ATP10A: variants seen among roughly 807,000 people sequenced by gnomAD.
ATP10A encodes the protein ATPase phospholipid transporting 10A (putative), also known as phospholipid-transporting ATPase VA.
A neutral mutation model predicts 147.8 loss-of-function variants in ATP10A; 111 were observed. The observed-to-expected ratio is 0.75, with a 90% CI of 0.64 to 0.88. The LOEUF is 0.88. ATP10A is among the 40% of genes least tolerant of loss of function. The pLI is 0.00. For missense variants in ATP10A, 1,927 were observed against 1,959.0 expected (o/e 0.98, Z 0.31); for synonymous variants, 875 against 841.6 (o/e 1.04, Z -0.69).
chr15:25,692,354 T>G (rs1325410932), intron 14 of ATP10A, among the ~76,000 whole-genome samples: 1 of 152,176 alleles, frequency 6.6e-6, no homozygotes, highest in Admixed American at 6.5e-5. Context: ...AGAAAATGTT[T>G]AGGAACACAG....
At chr15:25,708,481 A>G (rs1901189401) in intron 10 of ATP10A, 181 bp from the exon 11 acceptor site, 1 of 223,602 alleles carries the variant, frequency 4.5e-6, no homozygotes, top group Non-Finnish European at 8.1e-6. Flanking sequence ...AATATGTTTG[A>G]CTGTTTTATT....
Position 25,708,031 on chromosome 15 carries a change from G to T in ATP10A, c.2520C>A (p.Ser840Arg), listed in dbSNP as rs778530761. 2.5e-6 allele frequency: 4 copies of T among 1,614,134 alleles called. No homozygotes were observed. The highest frequency in any genetic ancestry group is 3.4e-6 in the Non-Finnish European group (4 of 1,180,024). Residue 840 changes from serine (S) to arginine (R), a missense_variant, in exon 12 of 21, where the codon AGC becomes AGA. Coordinates refer to ENST00000555815, the MANE Select transcript of ATP10A (RefSeq NM_024490.4). ...TGGCAGACTGGAAGAGGAGCTCCTC[G>T]CTGTTTTCCAGGGAGGATTCGGCTT... Reference protein sequence around the residue: ...HLEAESSLENSEELLFQSAIR... With the variant: ...HLEAESSLENREELLFQSAIR...
chr15:25,847,015 A>T (rs1204941226), intron 1 of ATP10A, among the ~76,000 whole-genome samples: 1 of 152,220 alleles, frequency 6.6e-6, no homozygotes, highest in Non-Finnish European at 1.5e-5. Flanking sequence ...CAGCTACACT[A>T]AAAAGGATCA....
chr15:25,697,234 AG>A (rs1256711388), intron 13 of ATP10A, among the ~76,000 whole-genome samples: 1 of 152,234 alleles, frequency 6.6e-6, no homozygotes, highest in Non-Finnish European at 1.5e-5. Flanking sequence ...ATGCAAGACT[AG>A]GTCTTATAAA....
At chr15:25,675,187 G>A (rs1596665125), downstream of ATP10A, among the ~76,000 whole-genome samples, 1 of 152,270 alleles carries the variant, frequency 6.6e-6, no homozygotes, top group East Asian at 1.9e-4. Context: ...GTTGGTTTGT[G>A]CCATCCCAAG....
intron 1 of ATP10A, among the ~76,000 whole-genome samples, chr15:25,786,795 T>C (rs1274675239): frequency 6.7e-6 from 1 of 148,370 alleles, no homozygotes; most frequent in East Asian, 2.0e-4. Flanking sequence ...CCAGCTAGTT[T>C]TTTTTTTTTT....
At chr15:25,850,593 A>T (rs1261116522) in intron 1 of ATP10A, among the ~76,000 whole-genome samples, 2 of 151,912 alleles carry the variant, frequency 1.3e-5, no homozygotes, top group Non-Finnish European at 2.9e-5. Context: ...AACTGTGTAG[A>T]GCGTCCGGCG....
intron 13 of ATP10A, among the ~76,000 whole-genome samples, chr15:25,698,630 C>T (rs529396227): frequency 7.2e-5 from 11 of 152,188 alleles, no homozygotes; most frequent in South Asian, 4.1e-4. Context: ...CTAACCCCTA[C>T]GTGTTCAAGG....
chr15:25,831,451 C>T (rs1892352136), intron 1 of ATP10A, among the ~76,000 whole-genome samples: 1 of 152,238 alleles, frequency 6.6e-6, no homozygotes, highest in Non-Finnish European at 1.5e-5. Flanking sequence ...TCTAAAAATA[C>T]ATGTTCAGTG....
At chr15:25,718,746 G>A (rs771730931) in intron 7 of ATP10A, among the ~76,000 whole-genome samples, 4 of 152,162 alleles carry the variant, frequency 2.6e-5, no homozygotes, top group Non-Finnish European at 5.9e-5. Flanking sequence ...GTGGCCGGGA[G>A]AGGGAGGCAG....
intron 2 of ATP10A, among the ~76,000 whole-genome samples, chr15:25,770,362 C>A (rs747264905): frequency 6.6e-6 from 1 of 152,176 alleles, no homozygotes; most frequent in Non-Finnish European, 1.5e-5. Flanking sequence ...CCAGGCCCTG[C>A]GCCCCAACTG....
chr15:25,711,467 G>A (rs1178048137), intron 10 of ATP10A, among the ~76,000 whole-genome samples: 1 of 152,052 alleles, frequency 6.6e-6, no homozygotes, highest in Non-Finnish European at 1.5e-5. Flanking sequence ...GGGTAACTTC[G>A]AGGGGACTCC....
intron 13 of ATP10A, among the ~76,000 whole-genome samples, chr15:25,695,895 A>C (rs1361343160): frequency 1.3e-5 from 2 of 152,160 alleles, no homozygotes; most frequent in Non-Finnish European, 2.9e-5. Context: ...TGCAATTTTC[A>C]GTATCCTCCC....
At chr15:25,737,133 T>C (rs967840854) in intron 2 of ATP10A, among the ~76,000 whole-genome samples, 8 of 152,224 alleles carry the variant, frequency 5.3e-5, no homozygotes, top group African/African-American at 1.2e-4. Context: ...ATAACTGAAA[T>C]TGAAATGCTA....
At chr15:25,702,797 G>C (rs1453464238) in intron 12 of ATP10A, among the ~76,000 whole-genome samples, 1 of 150,748 alleles carries the variant, frequency 6.6e-6, no homozygotes, top group African/African-American at 2.4e-5. Context: ...TTGGTGAGAT[G>C]GTTTCTGTCT....
chr15:25,681,069 G>T lies in ATP10A; in HGVS notation c.3498C>A (p.Tyr1166Ter). The T allele has an allele frequency of 1.9e-6, 3 of 1,613,368 alleles. No homozygotes were observed. The highest frequency in any genetic ancestry group is 2.5e-6 in the Non-Finnish European group (3 of 1,179,384). The change falls in exon 18 of 21, where the codon TAC (tyrosine) becomes TAA (stop). Residue 1166 changes from tyrosine to a stop codon, truncating the protein, a stop_gained. Transcript: ENST00000555815. LOFTEE classifies it high-confidence loss of function. Reference protein sequence around the residue: ...LYKSGQNMEEYRPRTFWFNMA... With the variant: ...LYKSGQNMEE ...TGTTAAACCAGAACGTTCGTGGCCG[G>T]TATTCCTGGGACACAAAAACAATCA...
intron 1 of ATP10A, among the ~76,000 whole-genome samples, chr15:25,822,149 A>G (rs1891917556): frequency 6.6e-6 from 1 of 152,192 alleles, no homozygotes; most frequent in Non-Finnish European, 1.5e-5. Flanking sequence ...TGTTTAGAGA[A>G]TGACGACAAG....
At chr15:25,681,549 G>A (rs1327416811) in intron 17 of ATP10A, among the ~76,000 whole-genome samples, 1 of 152,080 alleles carries the variant, frequency 6.6e-6, no homozygotes, top group Non-Finnish European at 1.5e-5. Flanking sequence ...TTGACACCTC[G>A]AATGACATTT....
At chr15:25,757,467 A>C (rs1397392793) in intron 2 of ATP10A, among the ~76,000 whole-genome samples, 1 of 152,130 alleles carries the variant, frequency 6.6e-6, no homozygotes, top group Non-Finnish European at 1.5e-5. Flanking sequence ...AAATCTTGAG[A>C]AGATAGAAGG....
Sources: gnomAD v4.1 joint callset for allele counts (sites outside exome capture counted in the v4.1 genomes callset) on GRCh38, gnomAD v4.1.1 for gene constraint, MANE v1.5 for transcripts, NCBI Gene and HGNC (gene_info 2026-07-23, HGNC 2026-07-21) for gene names.